Variants in LRRIQ1 observed in about 807,000 individuals in gnomAD.
LRRIQ1 encodes leucine rich repeats and IQ motif containing 1, also known as leucine-rich repeat- and IQ domain-containing protein 1.
In LRRIQ1, 210 loss-of-function variants were observed where a neutral mutation model predicts 211.9. That is an observed-to-expected ratio of 0.99 (90% CI 0.89 to 1.11). LRRIQ1 has a LOEUF of 1.11. LRRIQ1 is among the 50% of genes most tolerant of loss of function. The pLI is 0.00. For missense variants in LRRIQ1, 2,136 were observed against 1,939.5 expected, an observed-to-expected ratio of 1.10 and a Z score of -1.90; for synonymous variants, 699 against 650.1, an observed-to-expected ratio of 1.08 and a Z score of -1.14.
At chr12:85,063,574 G>A (rs1320179917) in intron 8 of LRRIQ1, among the ~76,000 whole-genome samples, 1 of 151,232 alleles carries the variant, frequency 6.6e-6, no homozygotes, top group Non-Finnish European at 1.5e-5. Context: ...ATTTTAAAAT[G>A]TACAATAAAT....
intron 24 of LRRIQ1, among the ~76,000 whole-genome samples, chr12:85,220,908 A>G (rs1443915986): frequency 6.6e-6 from 1 of 151,146 alleles, no homozygotes; most frequent in African/African-American, 2.4e-5. Flanking sequence ...CCCAGGTTCA[A>G]GCAATTCTTC....
chr12:85,225,155 A>T (rs1164778958), intron 24 of LRRIQ1, among the ~76,000 whole-genome samples: 2 of 152,044 alleles, frequency 1.3e-5, no homozygotes, highest in Non-Finnish European at 2.9e-5. Context: ...ATTATTTCCT[A>T]AAAAAATTAG....
At chr12:85,125,655 A>C (rs1285123905) in intron 17 of LRRIQ1, among the ~76,000 whole-genome samples, 1 of 152,180 alleles carries the variant, frequency 6.6e-6, no homozygotes, top group African/African-American at 2.4e-5. Flanking sequence ...TAGGTTAAGT[A>C]ATTTGATATG....
intron 24 of LRRIQ1, among the ~76,000 whole-genome samples, chr12:85,227,287 T>TTA (rs1329825683): frequency 1.3e-5 from 2 of 152,096 alleles, no homozygotes; most frequent in Non-Finnish European, 2.9e-5. Flanking sequence ...TTCTTTTTTT[T>TTA]TATATACTGT....
chr12:85,101,403 C>T (rs2136293843), intron 13 of LRRIQ1, among the ~76,000 whole-genome samples: 1 of 151,822 alleles, frequency 6.6e-6, no homozygotes, highest in South Asian at 2.1e-4. Context: ...CTTTTTACTT[C>T]CAGTGAGACT....
At chr12:85,059,695 G>C (rs1881556434) in intron 8 of LRRIQ1, among the ~76,000 whole-genome samples, 1 of 151,916 alleles carries the variant, frequency 6.6e-6, no homozygotes, top group South Asian at 2.1e-4. Context: ...GTGGGGGGAT[G>C]AATCAATTGA....
At position 85,169,041 on chromosome 12, in the gene LRRIQ1, T is replaced by C. The variant is rs546709377; in HGVS notation, c.4822+8327T>C. Among the ~76,000 whole-genome samples, 37 of 152,314 alleles carry C rather than the reference T, an allele frequency of 2.4e-4. 1 individual carries two copies. Among genetic ancestry groups the C allele is most frequent in the African/African-American group, 8.9e-4 (37 of 41,578 alleles). On this transcript the variant is annotated intron_variant, in intron 24 of 26. Coordinates refer to ENST00000393217, the MANE Select transcript of LRRIQ1 (RefSeq NM_001079910.2). ...AATTATTATATACCATATAATATAA[T>C]AGCCTCCTTAGTGTTGCTTATCATT... is the stretch of plus-strand genomic sequence containing the variant.
At chr12:85,131,119 G>C (rs1330045142) in intron 18 of LRRIQ1, among the ~76,000 whole-genome samples, 1 of 151,178 alleles carries the variant, frequency 6.6e-6, no homozygotes, top group Non-Finnish European at 1.5e-5. Context: ...GCTGAGACAT[G>C]AGAATCTCTT....
At chr12:85,241,372 T>A (rs1895450904) in intron 26 of LRRIQ1, among the ~76,000 whole-genome samples, 1 of 152,092 alleles carries the variant, frequency 6.6e-6, no homozygotes, top group African/African-American at 2.4e-5. Flanking sequence ...AAGGAGTTTA[T>A]GAAAAGATGA....
At chr12:85,051,233 C>G (rs1214830436) in intron 6 of LRRIQ1, among the ~76,000 whole-genome samples, 1 of 152,056 alleles carries the variant, frequency 6.6e-6, no homozygotes, top group Non-Finnish European at 1.5e-5. Context: ...GGCTTCATTT[C>G]TCTTCCACCG....
chr12:85,075,875 A>T (rs1460434753), intron 11 of LRRIQ1, among the ~76,000 whole-genome samples: 1 of 151,818 alleles, frequency 6.6e-6, no homozygotes, highest in African/African-American at 2.4e-5. Flanking sequence ...AAAAATTCTG[A>T]CCCCACCAGA....
chr12:85,269,121 G>A (rs185376352), downstream of LRRIQ1, among the ~76,000 whole-genome samples: 10 of 152,070 alleles, frequency 6.6e-5, no homozygotes, highest in African/African-American at 2.4e-4. Flanking sequence ...AACAAACCAA[G>A]GACTGGATTA....
intron 17 of LRRIQ1, among the ~76,000 whole-genome samples, chr12:85,125,933 C>A (rs1366179579): frequency 1.3e-5 from 2 of 152,052 alleles, no homozygotes; most frequent in East Asian, 3.9e-4. Context: ...AAAATGTATA[C>A]CCGTTGCTGA....
At position 85,130,936 on chromosome 12, in the gene LRRIQ1, G is replaced by A. The variant is rs933667931; in HGVS notation, c.4209+2903G>A. 4.6e-5 allele frequency among the ~76,000 whole-genome samples: 7 copies of A among 152,036 alleles called. No individual in the cohort carries two copies. The South Asian group carries it at 1.3e-3, about 27-fold the overall frequency. ...TTAGAATGTGAATGATAGGCCGGGC[G>A]CAGTGGCTCATGCCTGAGATCCCAA... On this transcript the variant is annotated intron_variant, in intron 18 of 26. Coordinates refer to ENST00000393217, the MANE Select transcript of LRRIQ1 (RefSeq NM_001079910.2).
intron 24 of LRRIQ1, among the ~76,000 whole-genome samples, chr12:85,209,433 C>T (rs1893729727): frequency 6.6e-6 from 1 of 152,164 alleles, no homozygotes; most frequent in Non-Finnish European, 1.5e-5. Flanking sequence ...TCAATTACCT[C>T]CCATCAGATT....
intron 24 of LRRIQ1, among the ~76,000 whole-genome samples, chr12:85,198,114 T>A (rs1441655734): frequency 8.3e-6 from 1 of 120,546 alleles, no homozygotes; most frequent in Non-Finnish European, 1.6e-5. Context: ...TATTTATATA[T>A]AATATATAAT....
chr12:85,128,329 G>A (rs370312756), intron 18 of LRRIQ1, among the ~76,000 whole-genome samples: 3 of 152,200 alleles, frequency 2.0e-5, no homozygotes, highest in African/African-American at 7.2e-5. Context: ...GCAGGATGTG[G>A]TGGCTCAAGC....
At chr12:85,076,078 A>G (rs1473395178) in intron 11 of LRRIQ1, among the ~76,000 whole-genome samples, 1 of 152,066 alleles carries the variant, frequency 6.6e-6, no homozygotes, top group Non-Finnish European at 1.5e-5. Flanking sequence ...TTTATACTAC[A>G]TTAAAACTCT....
At chr12:85,113,907 T>TGTGTGTGTG (rs1887368171) in intron 15 of LRRIQ1, among the ~76,000 whole-genome samples, 9 of 140,866 alleles carry the variant, frequency 6.4e-5, no homozygotes, top group African/African-American at 8.2e-5. Flanking sequence ...CAAATGAGTT[T>TGTGTGTGTG]TGTGTGTGTG....
Sources: gnomAD v4.1 joint callset for allele counts (sites outside exome capture counted in the v4.1 genomes callset) on GRCh38, gnomAD v4.1.1 for gene constraint, MANE v1.5 for transcripts, NCBI Gene and HGNC (gene_info 2026-07-23, HGNC 2026-07-21) for gene names.